The following GNAQ variants were observed in gnomAD, a reference collection of about 807,000 sequenced individuals.
GNAQ encodes the protein guanine nucleotide-binding protein G(q) subunit alpha.
Under a neutral mutation model 43.9 loss-of-function variants are expected in GNAQ, and 8 were observed. The ratio of observed to expected loss-of-function variants is 0.18; its 90% CI spans 0.11 to 0.33. GNAQ has a LOEUF of 0.33. Ranked by LOEUF, GNAQ falls within the 10% of genes least tolerant of loss-of-function variation. The probability of loss-of-function intolerance (pLI) is 1.00; values close to 1 mark genes in which losing one functional copy is unlikely to be tolerated. For synonymous variants in GNAQ, 155 were observed against 170.7 expected (o/e 0.91, Z 0.71); for missense variants, 158 against 450.8 (o/e 0.35, Z 5.88).
At chr9:77,826,896 A>G (rs1397998295) in intron 2 of GNAQ, among the ~76,000 whole-genome samples, 1 of 152,178 alleles carries the variant, frequency 6.6e-6, no homozygotes, top group Non-Finnish European at 1.5e-5. Context: ...CTTTTTTTGT[A>G]TTCAGTAAAA....
At position 77,951,598 on chromosome 9, in the gene GNAQ, A is replaced by C. The variant is rs142586783; in HGVS notation, c.137-29253T>G. 1.6e-4 allele frequency among the ~76,000 whole-genome samples: 25 copies of C among 152,208 alleles called. 1 individual carries two copies. The East Asian group carries it at 4.8e-3, about 29-fold the overall frequency. On this transcript the variant is annotated intron_variant, in intron 1 of 6. Coordinates refer to ENST00000286548, the MANE Select transcript of GNAQ (RefSeq NM_002072.5). ...AAAAATGTAATCATATAAATGGTCA[A>C]CCTCTTTTTGTAAAGTCTGATTTGT...
chr9:77,930,418 A>G (rs559553114), intron 1 of GNAQ, among the ~76,000 whole-genome samples: 5 of 152,318 alleles, frequency 3.3e-5, no homozygotes, highest in African/African-American at 1.2e-4. Context: ...ATTAATGCTC[A>G]TTTACAAATA....
chr9:77,865,223 G>A (rs1386694856), intron 2 of GNAQ, among the ~76,000 whole-genome samples: 2 of 152,182 alleles, frequency 1.3e-5, no homozygotes, highest in Non-Finnish European at 2.9e-5. Context: ...TCAAGAGTCA[G>A]TATAAAGTGA....
At chr9:77,822,694 T>C (rs754517962) in intron 2 of GNAQ, among the ~76,000 whole-genome samples, 1 of 151,208 alleles carries the variant, frequency 6.6e-6, no homozygotes, top group Non-Finnish European at 1.5e-5. Context: ...ATCATCTTTC[T>C]GGAACATCCC....
chr9:77,804,120 G>A (rs923791920), intron 3 of GNAQ, among the ~76,000 whole-genome samples: 1 of 152,018 alleles, frequency 6.6e-6, no homozygotes, highest in East Asian at 1.9e-4. Context: ...CAGTTTTGAG[G>A]TGACCTTCAA....
chr9:77,790,914 G>C (rs1212663912), intron 5 of GNAQ, among the ~76,000 whole-genome samples: 16 of 152,180 alleles, frequency 1.1e-4, no homozygotes, highest in Admixed American at 1.0e-3. Context: ...GCTTCAGCAA[G>C]TTTTGGGTAT....
intron 5 of GNAQ, among the ~76,000 whole-genome samples, chr9:77,751,533 T>C (rs892055211): frequency 6.6e-6 from 1 of 152,088 alleles, no homozygotes; most frequent in Non-Finnish European, 1.5e-5. Context: ...CATGAATAAG[T>C]GCGGTTAGCC....
At chr9:77,883,388 A>G (rs950998312) in intron 2 of GNAQ, among the ~76,000 whole-genome samples, 2 of 152,126 alleles carry the variant, frequency 1.3e-5, no homozygotes, top group African/African-American at 4.8e-5. Context: ...AAACTTATGA[A>G]TCAGAGTAGA....
intron 2 of GNAQ, among the ~76,000 whole-genome samples, chr9:77,825,746 A>G (rs76961954): frequency 0.01 from 1,545 of 152,340 alleles, 26 homozygotes; most frequent in African/African-American, 0.036. Context: ...GCAGCTATTA[A>G]TAAGAATGCT....
At chr9:77,750,675 C>A (rs1825798783) in intron 5 of GNAQ, among the ~76,000 whole-genome samples, 1 of 151,932 alleles carries the variant, frequency 6.6e-6, no homozygotes, top group African/African-American at 2.4e-5. Flanking sequence ...AAAAAAAATC[C>A]CTCCCTCCCC....
chr9:77,747,861 A>G (rs1475547327), intron 5 of GNAQ, among the ~76,000 whole-genome samples: 1 of 152,204 alleles, frequency 6.6e-6, no homozygotes. Flanking sequence ...TGCTACCTCA[A>G]TTAGTTCATG....
chr9:77,802,238 G>A (rs1366712601), intron 3 of GNAQ, among the ~76,000 whole-genome samples: 1 of 152,030 alleles, frequency 6.6e-6, no homozygotes, highest in Non-Finnish European at 1.5e-5. Flanking sequence ...TCAAAGAGCT[G>A]CTGCCCGCAT....
intron 1 of GNAQ, among the ~76,000 whole-genome samples, chr9:78,019,536 C>A (rs561395582): frequency 6.6e-6 from 1 of 152,302 alleles, no homozygotes; most frequent in South Asian, 2.1e-4. Flanking sequence ...TGTTTCTGCA[C>A]TACTGAGTTT....
intron 2 of GNAQ, among the ~76,000 whole-genome samples, chr9:77,865,822 AAT>A (rs951160361): frequency 1.3e-5 from 2 of 152,224 alleles, no homozygotes; most frequent in Admixed American, 1.3e-4. Context: ...AGTGCTGCAA[AAT>A]GGTAATACAG....
intron 1 of GNAQ, among the ~76,000 whole-genome samples, chr9:77,976,447 C>CA (rs1162112389): frequency 6.6e-6 from 1 of 152,054 alleles, no homozygotes; most frequent in Non-Finnish European, 1.5e-5. Context: ...GGCTGGAGTG[C>CA]AATGGCACGA....
chr9:77,836,264 A>T lies in GNAQ; in HGVS notation c.322-20494T>A, dbSNP rs201314833. On this transcript the variant is annotated intron_variant, in intron 2 of 6. Coordinates refer to ENST00000286548, the MANE Select transcript of GNAQ (RefSeq NM_002072.5). ...GGATCTGTCCAAGCTCTCTCCTCCA[A>T]TTCCAAGAAAACCCAATATCCTTTC... 1.1e-4 allele frequency among the ~76,000 whole-genome samples: 16 copies of T among 152,202 alleles called. No individual in the cohort carries two copies. In the East Asian group the frequency reaches 2.9e-3, roughly 28 times the overall value.
intron 2 of GNAQ, among the ~76,000 whole-genome samples, chr9:77,895,184 C>A (rs1252326933): frequency 7.6e-6 from 1 of 131,594 alleles, no homozygotes; most frequent in Non-Finnish European, 1.6e-5. Flanking sequence ...GGTGACAGAG[C>A]GAGACTCCAT....
intron 1 of GNAQ, among the ~76,000 whole-genome samples, chr9:77,941,301 G>C (rs1829312020): frequency 1.3e-5 from 2 of 151,618 alleles, no homozygotes; most frequent in Non-Finnish European, 2.9e-5. Flanking sequence ...CCAGGCTGGA[G>C]TGCAGTGGCG....
chr9:77,785,604 G>T (rs919486425), intron 5 of GNAQ, among the ~76,000 whole-genome samples: 1 of 152,096 alleles, frequency 6.6e-6, no homozygotes, highest in African/African-American at 2.4e-5. Context: ...TCATCAAGCT[G>T]AATACTTATA....
Sources: gnomAD v4.1 joint callset for allele counts (sites outside exome capture counted in the v4.1 genomes callset) on GRCh38, gnomAD v4.1.1 for gene constraint, MANE v1.5 for transcripts, NCBI Gene and HGNC (gene_info 2026-07-23, HGNC 2026-07-21) for gene names.